Variants in OPCML observed in about 807,000 individuals in gnomAD.
OPCML encodes the protein opioid-binding protein/cell adhesion molecule.
OPCML carries 13 observed loss-of-function variants against 37.8 expected under a neutral mutation model. That is an observed-to-expected ratio of 0.34 (90% CI 0.22 to 0.55). The LOEUF is 0.55. OPCML is among the 20% of genes least tolerant of loss of function. OPCML has a pLI of 0.91. For synonymous variants in OPCML, 176 were observed against 168.8 expected (o/e 1.04, Z -0.33); for missense variants, 341 against 435.6 (o/e 0.78, Z 1.93).
intron 2 of OPCML, chr11:132,771,644 C>T (rs1200200257): frequency 6.6e-6 from 1 of 152,162 alleles, no homozygotes; most frequent in Non-Finnish European, 1.5e-5. Context: ...AAGTTTATTC[C>T]CTAGTGAAGT....
chr11:132,656,932 T>C (rs1941737012), intron 3 of OPCML, among the ~76,000 whole-genome samples, 155 bp downstream of exon 3: 1 of 152,184 alleles, frequency 6.6e-6, no homozygotes, highest in African/African-American at 2.4e-5. Flanking sequence ...AAGTACCCAT[T>C]CGATGGGAAA....
intron 4 of OPCML, among the ~76,000 whole-genome samples, chr11:132,495,493 A>T (rs187214098): frequency 1.1e-4 from 17 of 152,334 alleles, no homozygotes; most frequent in Admixed American, 1.1e-3. Context: ...ATAGCTTACC[A>T]TGATTTTAGT....
At chr11:133,222,411 C>T (rs1420543939) in intron 1 of OPCML, among the ~76,000 whole-genome samples, 1 of 152,134 alleles carries the variant, frequency 6.6e-6, no homozygotes, top group Non-Finnish European at 1.5e-5. Context: ...AAGGCAAAGC[C>T]AACAGGACGA....
rs111477420 is a variant in OPCML, at chr11:132,633,277, A to C, written c.379+23810T>G. 2.7e-4 allele frequency among the ~76,000 whole-genome samples: 40 copies of C among 150,658 alleles called. 1 individual carries two copies. Among genetic ancestry groups the C allele is most frequent in the African/African-American group, 9.8e-4 (40 of 41,012 alleles). On this transcript the variant is annotated intron_variant, in intron 3 of 7. Transcript: ENST00000524381. ...GAGTTCAGTGGTGTGATCTCGGCTC[A>C]CTGCAACCTCTACCTCCTGGGTTCA...
intron 1 of OPCML, among the ~76,000 whole-genome samples, chr11:133,318,708 C>T (rs996336592): frequency 6.6e-6 from 1 of 152,130 alleles, no homozygotes; most frequent in Admixed American, 6.5e-5. Context: ...AATGAGCACG[C>T]TACAGCGGTT....
At chr11:133,327,862 A>G (rs1443428238) in intron 1 of OPCML, among the ~76,000 whole-genome samples, 1 of 152,174 alleles carries the variant, frequency 6.6e-6, no homozygotes, top group Non-Finnish European at 1.5e-5. Context: ...AATCATGTGC[A>G]CCAGGGTTCT....
At position 132,907,810 on chromosome 11, in the gene OPCML, C is replaced by T. The variant is rs181797679; in HGVS notation, c.146+35116G>A. Among the ~76,000 whole-genome samples the T allele has an allele frequency of 3.7e-4, 56 of 152,220 alleles. 1 individual carries two copies. Among genetic ancestry groups the T allele is most frequent in the South Asian group, 6.2e-4 (3 of 4,820 alleles). ...ACGTTGCTCTGTTACAGCACCAGCACGCTATGGTCGAGTTAGTAGTTTACA... is the reference window on the plus strand; with the variant it reads ...ACGTTGCTCTGTTACAGCACCAGCATGCTATGGTCGAGTTAGTAGTTTACA... On this transcript the variant is annotated intron_variant, in intron 2 of 7. Transcript: ENST00000524381.
At chr11:133,252,273 C>A (rs138541690) in intron 1 of OPCML, among the ~76,000 whole-genome samples, 1 of 152,308 alleles carries the variant, frequency 6.6e-6, no homozygotes, top group East Asian at 1.9e-4. Context: ...AGCACAATCT[C>A]CAGCAAATTT....
intron 2 of OPCML, among the ~76,000 whole-genome samples, chr11:132,876,158 A>C (rs1943001321): frequency 6.6e-6 from 1 of 152,182 alleles, no homozygotes; most frequent in Non-Finnish European, 1.5e-5. Context: ...GGAAGGAAAA[A>C]ATTCATACTG....
At chr11:133,517,818 TA>T (rs1264494911) in intron 1 of OPCML, among the ~76,000 whole-genome samples, 1 of 152,116 alleles carries the variant, frequency 6.6e-6, no homozygotes, top group African/African-American at 2.4e-5. Context: ...AGTGAATGAG[TA>T]ACCACAGCCG....
intron 1 of OPCML, among the ~76,000 whole-genome samples, chr11:133,331,755 C>T (rs1263563157): frequency 2.0e-5 from 3 of 151,998 alleles, no homozygotes; most frequent in African/African-American, 7.3e-5. Flanking sequence ...ATCCTTCTAC[C>T]TTTCCATTAT....
chr11:132,616,400 C>T (rs1293002531), intron 3 of OPCML, among the ~76,000 whole-genome samples: 1 of 152,200 alleles, frequency 6.6e-6, no homozygotes, highest in Non-Finnish European at 1.5e-5. Context: ...ATGTTAGAAG[C>T]AAGATGGAGT....
intron 1 of OPCML, among the ~76,000 whole-genome samples, chr11:133,318,011 C>T (rs1488881856): frequency 6.6e-6 from 1 of 152,140 alleles, no homozygotes; most frequent in African/African-American, 2.4e-5. Context: ...TTATGATTTC[C>T]AGATCACAGA....
chr11:133,217,567 T>C (rs976371877), intron 1 of OPCML, among the ~76,000 whole-genome samples: 57 of 152,252 alleles, frequency 3.7e-4, no homozygotes, highest in Middle Eastern at 3.4e-3. Flanking sequence ...CGAGAGCCCA[T>C]GGAGGTGGGT....
At chr11:133,299,243 C>T (rs1942720498) in intron 1 of OPCML, 1 of 152,196 alleles carries the variant, frequency 6.6e-6, no homozygotes, top group Non-Finnish European at 1.5e-5. Flanking sequence ...AACAAAGAGG[C>T]AACTCTGGAG....
chr11:132,657,933 T>C (rs1401953574), intron 2 of OPCML, among the ~76,000 whole-genome samples: 1 of 152,024 alleles, frequency 6.6e-6, no homozygotes. Flanking sequence ...AAAAAGAAAA[T>C]TATCAGCAGA....
rs67176157 is a variant in OPCML, at chr11:132,632,241, A to ATTTTT, written c.379+24841_379+24845dup. 2.7e-5 allele frequency among the ~76,000 whole-genome samples: 3 copies of ATTTTT among 111,568 alleles called. 1 individual carries two copies. The highest frequency in any genetic ancestry group is 1.1e-4 in the African/African-American group (3 of 27,384). 73.2% of individuals were successfully genotyped at this position (111,568 alleles called of 152,430 possible). A position where few individuals can be genotyped will look rare whatever the true frequency, so the allele number is the denominator to read the frequency against. On this transcript the variant is annotated intron_variant, in intron 3 of 7. Coordinates refer to ENST00000524381, the MANE Select transcript of OPCML (RefSeq NM_001012393.5). ...GCCTCAGGCATCTTTATTCAAACAC[A>ATTTTT]TTTTTTTTTTTTTTTTTTTTTTTTG...
At chr11:132,487,379 A>G (rs1343264958) in intron 4 of OPCML, among the ~76,000 whole-genome samples, 1 of 152,176 alleles carries the variant, frequency 6.6e-6, no homozygotes, top group Admixed American at 6.5e-5. Context: ...ATCATCTGCT[A>G]TAATCTCCAA....
chr11:132,705,223 G>A (rs1031982577), intron 2 of OPCML, among the ~76,000 whole-genome samples: 10 of 151,050 alleles, frequency 6.6e-5, no homozygotes, highest in Admixed American at 1.3e-4. Flanking sequence ...GATTTCTCAC[G>A]GATGTTTCAG....
Sources: gnomAD v4.1 joint callset for allele counts (sites outside exome capture counted in the v4.1 genomes callset) on GRCh38, gnomAD v4.1.1 for gene constraint, MANE v1.5 for transcripts, NCBI Gene and HGNC (gene_info 2026-07-23, HGNC 2026-07-21) for gene names.